Variants in ZNF709 observed in about 807,000 individuals in gnomAD.
The protein encoded by ZNF709 is zinc finger protein 709.
Under a neutral mutation model 10.6 loss-of-function variants are expected in ZNF709, and 15 were observed. The observed-to-expected ratio is 1.41, with a 90% CI of 0.95 to 2.18. ZNF709 has a LOEUF of 2.18. Among genes scored for constraint, ZNF709 ranks in the 30% most tolerant of loss-of-function variants. The pLI, the probability that ZNF709 is intolerant of heterozygous loss-of-function variation, is 0.00. For missense variants in ZNF709, 589 were observed against 774.0 expected, an observed-to-expected ratio of 0.76 and a Z score of 2.84; for synonymous variants, 194 against 238.8, an observed-to-expected ratio of 0.81 and a Z score of 1.73.
chr19:12,463,943 AAAAAG>A lies in ZNF709; in HGVS notation c.*48_*52del. 7.5e-7 allele frequency: 1 copy of A among 1,339,850 alleles called. No individual in the cohort carries two copies. 83.0% of individuals were successfully genotyped at this position (1,339,850 alleles called of 1,614,324 possible). On this transcript the variant is annotated 3_prime_UTR_variant, in exon 4 of 4. Coordinates refer to ENST00000397732, the MANE Select transcript of ZNF709 (RefSeq NM_152601.4). The stretch of plus-strand genomic sequence containing the variant: ...ATTCAACTCAAAAAAAAAAAAAAAA[AAAAAG>A]GAAATAGGACAACTGAAAACTTTGC...
chr19:12,465,162 A>G lies in ZNF709; in HGVS notation c.760T>C (p.Cys254Arg), dbSNP rs764537968. The change falls in exon 4 of 4, where the codon TGT (cysteine) becomes CGT (arginine). Residue 254 changes from cysteine (C) to arginine (R), a missense_variant. Transcript: ENST00000397732. ...RTHSGEKPYE[C>R]KQCGKAFRYY... is the part of the protein sequence containing the mutation. ...CTGAAAGCTTTTCCACATTGTTTACATTCATAGGGTTTCTCTCCAGAGTGA... is the reference window on the plus strand; with the variant it reads ...CTGAAAGCTTTTCCACATTGTTTACGTTCATAGGGTTTCTCTCCAGAGTGA... 4.3e-6 allele frequency: 7 copies of G among 1,613,274 alleles called. No individual in the cohort carries two copies. Among genetic ancestry groups the G allele is most frequent in the Non-Finnish European group, 5.9e-6 (7 of 1,179,772 alleles).
At chr19:12,472,366 AC>A (rs1773685200) in intron 1 of ZNF709, among the ~76,000 whole-genome samples, 1 of 151,782 alleles carries the variant, frequency 6.6e-6, no homozygotes, top group Admixed American at 6.6e-5. Context: ...TACTAAAAAT[AC>A]AAAAATTAGC....
chr19:12,478,847 T>G (rs1970697743), intron 1 of ZNF709, among the ~76,000 whole-genome samples: 1 of 152,162 alleles, frequency 6.6e-6, no homozygotes, highest in African/African-American at 2.4e-5. Flanking sequence ...TGCCCAGGTG[T>G]GCAGCACGAG....
intron 1 of ZNF709, among the ~76,000 whole-genome samples, chr19:12,482,370 G>A (rs55831953): frequency 0.031 from 4,647 of 152,104 alleles, 105 homozygotes; most frequent in Non-Finnish European, 0.045. Flanking sequence ...GGTGACAGAG[G>A]GCAGGGGCAC....
chr19:12,471,644 A>G (rs1042872025), intron 1 of ZNF709, among the ~76,000 whole-genome samples: 12 of 152,324 alleles, frequency 7.9e-5, no homozygotes, highest in Middle Eastern at 3.4e-3. Context: ...AGTGTCTTCA[A>G]TGGACTGGCA....
At chr19:12,466,081 C>G (rs907695899) in intron 3 of ZNF709, among the ~76,000 whole-genome samples, 1 of 151,928 alleles carries the variant, frequency 6.6e-6, no homozygotes, top group Non-Finnish European at 1.5e-5. Context: ...GCTGGGATTA[C>G]AGGTACCCAC....
Position 12,465,107 on chromosome 19 carries a change from C to G in ZNF709, c.815G>C (p.Arg272Thr). The change falls in exon 4 of 4, where the codon AGG (arginine) becomes ACG (threonine). Residue 272 changes from arginine (R) to threonine (T), a missense_variant. Physicochemically the swap from Arg to Thr is moderately conservative, Grantham distance 71 (BLOSUM62 -1). Around this residue, in one of 2 missense-constraint regions of ZNF709, gnomAD observed 418 missense variants for 496.3 expected, o/e 0.84. Transcript: ENST00000397732. Reference protein sequence around the residue: ...RYYQTFQIHERTHTGEKPYQC... With the variant: ...RYYQTFQIHETTHTGEKPYQC... ...ATAGGGTTTTTCCCCAGTGTGAGTC[C>G]TTTCATGTATTTGAAAAGTTTGGTA... 1 of 1,612,320 alleles carries G rather than the reference C, an allele frequency of 6.2e-7. No homozygotes were observed. Among genetic ancestry groups the G allele is most frequent in the Non-Finnish European group, 8.5e-7 (1 of 1,179,438 alleles).
chr19:12,466,418 G>C lies in ZNF709; in HGVS notation c.188+44C>G, dbSNP rs374535425. 11 of 1,541,986 alleles carry C rather than the reference G, an allele frequency of 7.1e-6. No individual in the cohort carries two copies. The African/African-American group carries it at 1.5e-4, about 21-fold the overall frequency. Reference sequence around the variant, plus strand: ...TTTTTTAAACCTAATGGCATGCTAAGATTCTCTCATAAGACAGTATTTTCT... The same window carrying C: ...TTTTTTAAACCTAATGGCATGCTAACATTCTCTCATAAGACAGTATTTTCT... On this transcript the variant is annotated intron_variant, in intron 3 of 3. Transcript: ENST00000397732.
intron 1 of ZNF709, among the ~76,000 whole-genome samples, chr19:12,481,358 C>T (rs1970725548): frequency 6.6e-6 from 1 of 151,928 alleles, no homozygotes; most frequent in African/African-American, 2.4e-5. Context: ...CTCAGCCTCC[C>T]GAGTAGCTGG....
intron 1 of ZNF709, among the ~76,000 whole-genome samples, chr19:12,480,579 A>C (rs972218764): frequency 2.0e-5 from 3 of 151,298 alleles, no homozygotes; most frequent in African/African-American, 7.3e-5. Context: ...GCTCCTCAGG[A>C]GGCTGAGGCA....
Position 12,465,231 on chromosome 19 carries a change from T to TC in ZNF709, c.690dup (p.Lys231GlufsTer13). On this transcript the variant is annotated frameshift_variant, in exon 4 of 4. Transcript: ENST00000397732. LOFTEE classifies it low-confidence loss of function (END_TRUNC). ...AAAGAACTGGGATGACTGAACGTTTTCCCGCATTCTTTACATTTATAGGGT... is the reference window on the plus strand; with the variant it reads ...AAAGAACTGGGATGACTGAACGTTTTCCCCGCATTCTTTACATTTATAGGGT... The TC allele has an allele frequency of 6.2e-7, 1 of 1,613,078 alleles. No homozygotes were observed. Among genetic ancestry groups the TC allele is most frequent in the Non-Finnish European group, 8.5e-7 (1 of 1,179,146 alleles).
At chr19:12,475,870 A>T (rs1970673458) in intron 1 of ZNF709, among the ~76,000 whole-genome samples, 1 of 152,232 alleles carries the variant, frequency 6.6e-6, no homozygotes, top group East Asian at 1.9e-4. Context: ...AATATACAAA[A>T]GTCAATTGCC....
chr19:12,469,226 C>T (rs1045461104), intron 1 of ZNF709, among the ~76,000 whole-genome samples: 2 of 152,092 alleles, frequency 1.3e-5, no homozygotes, highest in Admixed American at 6.6e-5. Flanking sequence ...CCAGAGGGCC[C>T]GTGCAACTTG....
At chr19:12,470,456 C>G (rs1970625728) in intron 1 of ZNF709, among the ~76,000 whole-genome samples, 1 of 152,200 alleles carries the variant, frequency 6.6e-6, no homozygotes, top group African/African-American at 2.4e-5. Context: ...GTGCAGAAGA[C>G]TGTTAACATT....
intron 1 of ZNF709, among the ~76,000 whole-genome samples, chr19:12,468,056 C>T (rs911008351): frequency 3.3e-5 from 5 of 151,246 alleles, no homozygotes; most frequent in South Asian, 4.2e-4. Context: ...CCAGCCGTCC[C>T]GTCCGGGAGG....
chr19:12,483,389 A>G (rs1408830361), intron 1 of ZNF709, among the ~76,000 whole-genome samples: 1 of 150,284 alleles, frequency 6.7e-6, no homozygotes, highest in Non-Finnish European at 1.5e-5. Context: ...CCTGAGCTCA[A>G]GCGATCCTCC....
chr19:12,484,644 C>G lies in ZNF709; in HGVS notation c.3+11G>C. The G allele has an allele frequency of 6.2e-7, 1 of 1,614,086 alleles. No individual in the cohort carries two copies. Among genetic ancestry groups the G allele is most frequent in the Non-Finnish European group, 8.5e-7 (1 of 1,179,946 alleles). On this transcript the variant is annotated intron_variant, in intron 1 of 3. Transcript: ENST00000397732. ...TCTCCCATCTCAAGACCCCCAGCCC[C>G]GCACACTTACCATTTCCCAGACTCT...
At chr19:12,466,426 C>G (rs754511669) in intron 3 of ZNF709, 36 bp downstream of exon 3, 2 of 1,583,092 alleles carry the variant, frequency 1.3e-6, no homozygotes, top group Non-Finnish European at 8.7e-7. Context: ...AAGATTCTCT[C>G]ATAAGACAGT....
At chr19:12,481,624 C>T (rs1006123080) in intron 1 of ZNF709, among the ~76,000 whole-genome samples, 4 of 151,956 alleles carry the variant, frequency 2.6e-5, no homozygotes, top group Non-Finnish European at 4.4e-5. Flanking sequence ...ATTTAACACA[C>T]TCACATATGG....
Sources: allele counts gnomAD v4.1 joint callset (sites outside exome capture counted in the v4.1 genomes callset), GRCh38; gene constraint gnomAD v4.1.1; regional missense constraint gnomAD v4.1.1; transcripts MANE v1.5; gene names NCBI Gene and HGNC (gene_info 2026-07-23, HGNC 2026-07-21).